The following SIGLEC12 variants were observed in gnomAD, a reference collection of about 807,000 sequenced individuals.
The protein encoded by SIGLEC12 is sialic acid-binding Ig-like lectin 12.
In SIGLEC12, 43 loss-of-function variants were observed where a neutral mutation model predicts 54.1. That is an observed-to-expected ratio of 0.80 (90% CI 0.62 to 1.03). The LOEUF (loss-of-function observed/expected upper bound fraction) is 1.03, where lower values mean the gene tolerates loss of function less well. Ranked by LOEUF, SIGLEC12 falls within the 50% of genes least tolerant of loss-of-function variation. The pLI, the probability that SIGLEC12 is intolerant of heterozygous loss-of-function variation, is 0.00. For synonymous variants in SIGLEC12, 357 were observed against 307.6 expected (o/e 1.16, Z -1.68); for missense variants, 802 against 735.2 (o/e 1.09, Z -1.05).
In SIGLEC12 at chr19:51,498,036, G is replaced by C. The variant is rs1430179686; in HGVS notation, c.1387C>G (p.Leu463Val). ...GSQHISLSLSLQNEYTGKMRP... is the reference protein window; with the variant it reads ...GSQHISLSLSVQNEYTGKMRP... ...TACCCACCTGTGTACTCGTTTTGCA[G>C]GGAGAGGCTCAGGGAAATGTGCTGG... Residue 463 changes from leucine to valine, a missense_variant, in exon 5 of 8, where the codon CTG becomes GTG. By Grantham distance (32) the Leu-to-Val change is conservative. Coordinates refer to ENST00000291707, the MANE Select transcript of SIGLEC12 (RefSeq NM_053003.4). 2.5e-6 allele frequency: 4 copies of C among 1,614,234 alleles called. No homozygotes were observed. Among genetic ancestry groups the C allele is most frequent in the Non-Finnish European group, 3.4e-6 (4 of 1,180,030 alleles).
intron 7 of SIGLEC12, among the ~76,000 whole-genome samples, chr19:51,495,313 GTGGATGGATGGATGGA>G (rs61412717): frequency 8.3e-5 from 5 of 60,476 alleles, no homozygotes; most frequent in African/African-American, 1.6e-4. Flanking sequence ...GGACGGGTGG[GTGGATGGATGGATGGA>G]TGGATGGATG....
At chr19:51,499,866 A>C in intron 2 of SIGLEC12, 54 bp downstream of exon 2, 1 of 1,564,572 alleles carries the variant, frequency 6.4e-7, no homozygotes, top group South Asian at 1.2e-5. Context: ...CCTCAGCCCT[A>C]CCCTGCGGCC....
In SIGLEC12 at chr19:51,493,893, C is replaced by T. The variant is rs890922302; in HGVS notation, c.1600-2064G>A. On this transcript the variant is annotated intron_variant, in intron 7 of 7. Coordinates refer to ENST00000291707, the MANE Select transcript of SIGLEC12 (RefSeq NM_053003.4). ...GGATCCCATGAAAATAAAAGTTAAT[C>T]ATGGTCTCTTGCACAAAACTCTCCA... is the stretch of plus-strand genomic sequence containing the variant. 2.9e-4 allele frequency among the ~76,000 whole-genome samples: 44 copies of T among 152,358 alleles called. 7 individuals carry two copies. Among genetic ancestry groups the T allele is most frequent in the Admixed American group, 1.1e-3 (17 of 15,304 alleles).
intron 4 of SIGLEC12, 43 bp downstream of exon 4, chr19:51,499,127 A>G: frequency 6.2e-7 from 1 of 1,606,724 alleles, no homozygotes; most frequent in Non-Finnish European, 8.5e-7. Flanking sequence ...CCCTGAGTTG[A>G]AGGCTCTGCT....
At chr19:51,493,916 C>G (rs1018600750) in intron 7 of SIGLEC12, among the ~76,000 whole-genome samples, 1 of 152,232 alleles carries the variant, frequency 6.6e-6, no homozygotes, top group Non-Finnish European at 1.5e-5. Flanking sequence ...ACAAAACTCT[C>G]CAAATGCTCA....
intron 4 of SIGLEC12, 63 bp downstream of exon 4, chr19:51,499,107 C>T: frequency 6.3e-7 from 1 of 1,582,882 alleles, no homozygotes; most frequent in Non-Finnish European, 8.7e-7. Context: ...CAGGGTGAGT[C>T]CTGGCTCTCC....
Position 51,497,389 on chromosome 19 carries a change from T to A in SIGLEC12, c.1462A>T (p.Thr488Ser). 6.2e-7 allele frequency: 1 copy of A among 1,613,310 alleles called. No individual in the cohort carries two copies. Among genetic ancestry groups the A allele is most frequent in the Non-Finnish European group, 8.5e-7 (1 of 1,179,378 alleles). ...TLGAFGGAGA[T>S]ALVFLYFCII... is the part of the protein sequence containing the mutation. ...CAGAAGTACAGGAAGACCAGGGCTG[T>A]GGCTCCAGCTCCCCCGAATGCCCCT... The change falls in exon 6 of 8, where the codon ACA (threonine) becomes TCA (serine). Residue 488 changes from threonine to serine, a missense_variant. Physicochemically the swap from Thr to Ser is moderately conservative, Grantham distance 58. Coordinates refer to ENST00000291707, the MANE Select transcript of SIGLEC12 (RefSeq NM_053003.4).
chr19:51,492,202 T>C (rs992650222), intron 7 of SIGLEC12, among the ~76,000 whole-genome samples: 6 of 152,178 alleles, frequency 3.9e-5, no homozygotes, highest in African/African-American at 1.2e-4. Flanking sequence ...TGTGAGTTCC[T>C]GGGCTGGGTG....
chr19:51,500,344 T>G (rs747628784), intron 1 of SIGLEC12, 44 bp from the exon 2 acceptor site: 2 of 1,614,010 alleles, frequency 1.2e-6, no homozygotes, highest in Middle Eastern at 1.6e-4. Flanking sequence ...TGTCCCTCTC[T>G]TCATTTGCCC....
chr19:51,491,321 T>G lies in SIGLEC12; in HGVS notation c.*320A>C. On this transcript the variant is annotated 3_prime_UTR_variant, in exon 8 of 8. Coordinates refer to ENST00000291707, the MANE Select transcript of SIGLEC12 (RefSeq NM_053003.4). Reference sequence around the variant, plus strand: ...ACAACACGGATGAACCTAGAGAACATTATGTTGAGTGAAATAAGCCAGGTA... The same window carrying G: ...ACAACACGGATGAACCTAGAGAACAGTATGTTGAGTGAAATAAGCCAGGTA... 1 of 274,878 alleles carries G rather than the reference T, an allele frequency of 3.6e-6. No homozygotes were observed. Among genetic ancestry groups the G allele is most frequent in the Non-Finnish European group, 6.9e-6 (1 of 144,442 alleles). 17.0% of individuals were successfully genotyped at this position (274,878 alleles called of 1,614,324 possible).
intron 7 of SIGLEC12, among the ~76,000 whole-genome samples, chr19:51,493,262 A>T (rs56879502): frequency 6.6e-6 from 1 of 151,978 alleles, no homozygotes; most frequent in Non-Finnish European, 1.5e-5. Context: ...ACTACAGGAC[A>T]TCGTGCTTTC....
intron 5 of SIGLEC12, 118 bp downstream of exon 5, chr19:51,497,900 A>G: frequency 1.6e-5 from 23 of 1,421,760 alleles, no homozygotes; most frequent in Non-Finnish European, 2.1e-5. Flanking sequence ...CCCCGCACTC[A>G]CTGCTTGGCA....
chr19:51,501,403 TG>T lies in SIGLEC12; in HGVS notation c.330del (p.Asp110GlufsTer14). 2.5e-6 allele frequency: 4 copies of T among 1,614,228 alleles called. No homozygotes were observed. The highest frequency in any genetic ancestry group is 3.4e-6 in the Non-Finnish European group (4 of 1,180,034). On this transcript the variant is annotated frameshift_variant, in exon 1 of 8. Coordinates refer to ENST00000291707, the MANE Select transcript of SIGLEC12 (RefSeq NM_053003.4). LOFTEE classifies it high-confidence loss of function. ...QNKDCTLSIR[D>X]TRESDAGTYV... ...TATGTCCCTGCATCACTCTCTCTGG[TG>T]TCTCTGATGCTCAGGGTACAATCCT... is the stretch of plus-strand genomic sequence containing the variant.
intron 7 of SIGLEC12, among the ~76,000 whole-genome samples, chr19:51,494,555 G>C (rs62116172): frequency 0.25 from 38,399 of 152,140 alleles, 4,977 homozygotes; most frequent in Middle Eastern, 0.29. Context: ...CAGTATGGCA[G>C]TTCCTTAAGA....
At position 51,500,094 on chromosome 19, in the gene SIGLEC12, C is replaced by T. The variant is rs752700082; in HGVS notation, c.634G>A (p.Val212Met). 6.2e-7 allele frequency: 1 copy of T among 1,614,156 alleles called. No homozygotes were observed. The highest frequency in any genetic ancestry group is 8.5e-7 in the Non-Finnish European group (1 of 1,180,024). The change falls in exon 2 of 8, where the codon GTG becomes ATG. Residue 212 changes from valine (V) to methionine (M), a missense_variant. Val to Met is a conservative substitution (Grantham distance 21). Coordinates refer to ENST00000291707, the MANE Select transcript of SIGLEC12 (RefSeq NM_053003.4). ...PVATNTPSGK[V>M]QEDTHGRFLL... ...AATCGACCGTGGGTATCCTCTTGCA[C>T]TTTTCCACTTGGGGTGTTTGTGGCC...
At chr19:51,500,521 A>G (rs1990367856) in intron 1 of SIGLEC12, 3 of 717,602 alleles carry the variant, frequency 4.2e-6, no homozygotes, top group African/African-American at 1.8e-5. Flanking sequence ...CACATGCTAT[A>G]GGAACTCATT....
At position 51,499,647 on chromosome 19, in the gene SIGLEC12, C is replaced by A; in HGVS notation, c.878G>T (p.Cys293Phe). 1 of 1,614,030 alleles carries A rather than the reference C, an allele frequency of 6.2e-7. No individual in the cohort carries two copies. The highest frequency in any genetic ancestry group is 8.5e-7 in the Non-Finnish European group (1 of 1,179,978). ...LESGHPRNLT[C>F]SVPWACEQGT... ...CTGTTCACAGGCCCAGGGCACAGAG[C>A]AGGTCAGGTTCCTGGGGTGGCCAGA... Residue 293 changes from cysteine to phenylalanine, a missense_variant, in exon 3 of 8, where the codon TGC (cysteine) becomes TTC (phenylalanine). Transcript: ENST00000291707.
At position 51,491,633 on chromosome 19, in the gene SIGLEC12, G is replaced by A; in HGVS notation, c.*8C>T. 1.9e-6 allele frequency: 3 copies of A among 1,613,910 alleles called. No individual in the cohort carries two copies. The highest frequency in any genetic ancestry group is 2.5e-6 in the Non-Finnish European group (3 of 1,179,918). ...AGCCCTCAAACAGGCCTGAGTCTCT[G>A]CAGTTTCTCACTTGGGGATGTTGAT... is the stretch of plus-strand genomic sequence containing the variant. On this transcript the variant is annotated 3_prime_UTR_variant, in exon 8 of 8. Coordinates refer to ENST00000291707, the MANE Select transcript of SIGLEC12 (RefSeq NM_053003.4).
chr19:51,497,972 G>A, intron 5 of SIGLEC12, 46 bp downstream of exon 5: 1 of 1,604,896 alleles, frequency 6.2e-7, no homozygotes, highest in South Asian at 1.1e-5. Context: ...TGGACCCTGA[G>A]GGTGGGACAT....
Sources: gnomAD v4.1 joint callset for allele counts (sites outside exome capture counted in the v4.1 genomes callset) on GRCh38, gnomAD v4.1.1 for gene constraint, MANE v1.5 for transcripts, NCBI Gene and HGNC (gene_info 2026-07-23, HGNC 2026-07-21) for gene names.